The following AHNAK2 variants were observed in gnomAD, a reference collection of about 807,000 sequenced individuals.
AHNAK2 encodes the protein protein AHNAK2.
A neutral mutation model predicts 30.7 loss-of-function variants in AHNAK2; 18 were observed. That is an observed-to-expected ratio of 0.59 (90% confidence interval 0.41 to 0.87). The LOEUF is 0.87. Ranked by LOEUF, AHNAK2 falls within the 40% of genes least tolerant of loss-of-function variation. AHNAK2 has a pLI of 0.00. For missense variants in AHNAK2, 8,604 were observed against 7,373.0 expected (o/e 1.17, Z -6.11); for synonymous variants, 3,590 against 3,073.8 (o/e 1.17, Z -5.56).
chr14:104,949,206 G>A lies in AHNAK2; in HGVS notation c.6245C>T (p.Pro2082Leu), dbSNP rs1311453218. The change falls in exon 7 of 7, where the codon CCC becomes CTC. Residue 2082 changes from proline (P) to leucine (L), a missense_variant. Physicochemically the swap from Pro to Leu is moderately conservative, Grantham distance 98. Transcript: ENST00000333244. ...PKVEMPSLKM[P>L]KVDLKGPQVD... is the part of the protein sequence containing the mutation. ...CTGGGGGCCCTTGAGGTCCACTTTG[G>A]GCATCTTCAAACTGGGCATCTCCAC... The A allele has an allele frequency of 9.3e-7, 1 of 1,072,426 alleles. No homozygotes were observed. The highest frequency in any genetic ancestry group is 1.5e-5 in the South Asian group (1 of 65,208). The allele number at this position is 1,072,426 out of a possible 1,614,324, so 66.4% of individuals were successfully genotyped here. A position where few individuals can be genotyped will look rare whatever the true frequency, so the allele number is the denominator to read the frequency against.
In AHNAK2 at chr14:104,952,684, T is replaced by A. The variant is rs762868199; in HGVS notation, c.2767A>T (p.Ser923Cys). ...AGGTCCACTTTGGGCATCTTGAAAC[T>A]GGGCATCTCCACTTTGGGCAGGTGC... ...KVHLPKVEMP[S>C]FKMPKVDLKG... is the part of the protein sequence containing the mutation. The change falls in exon 7 of 7, where the codon AGT becomes TGT. Residue 923 changes from serine (S) to cysteine (C), a missense_variant. Coordinates refer to ENST00000333244, the MANE Select transcript of AHNAK2 (RefSeq NM_138420.4). 139 of 1,612,606 alleles carry A rather than the reference T, an allele frequency of 8.6e-5. 1 individual carries two copies. Among genetic ancestry groups the A allele is most frequent in the Admixed American group, 1.7e-4 (10 of 59,918 alleles).
rs377637192 is a variant in AHNAK2, at chr14:104,945,446, C to A, written c.10005G>T (p.Ala3335=). The A allele has an allele frequency of 6.2e-7, 1 of 1,613,454 alleles. No homozygotes were observed. The highest frequency in any genetic ancestry group is 1.7e-4 in the Middle Eastern group (1 of 6,056). The change falls in exon 7 of 7, where the codon GCG becomes GCT. Residue 3335 remains alanine (A), a synonymous_variant. Transcript: ENST00000333244. ...KSIQASVDVS[A]PKAEADVSLP... Reference sequence around the variant, plus strand: ...GGCTCACGTCGGCCTCCGCCTTCGGCGCAGACACATCCACCGAGGCCTGGA... The same window carrying A: ...GGCTCACGTCGGCCTCCGCCTTCGGAGCAGACACATCCACCGAGGCCTGGA...
rs139443923 is a variant in AHNAK2 at position 104,940,460 on chromosome 14, C to A, written c.14991G>T (p.Pro4997=). Residue 4997 remains proline, a synonymous_variant, in exon 7 of 7, where the codon CCG becomes CCT. Transcript: ENST00000333244. The surrounding 1 kb of genome is among the most constrained non-coding windows in gnomAD (Gnocchi z 4.4). ...SLVLDKDEVA[P]QSAIHMDLPP... ...GCAGATCCATGTGGATGGCAGACTG[C>A]GGGGCCACTTCATCCTTGTCTAAAA... The A allele has an allele frequency of 0.011, 17,611 of 1,613,816 alleles. 140 individuals carry two copies. Among genetic ancestry groups the A allele is most frequent in the Middle Eastern group, 0.031 (186 of 6,062 alleles).
rs1230730048 is a variant in AHNAK2 at position 104,941,716 on chromosome 14, T to C, written c.13735A>G (p.Lys4579Glu). 2 of 1,613,730 alleles carry C rather than the reference T, an allele frequency of 1.2e-6. No homozygotes were observed. Among genetic ancestry groups the C allele is most frequent in the Admixed American group, 1.7e-5 (1 of 60,018 alleles). ...KGPKLDLKGPKAEVMAPDVEV... is the reference protein window; with the variant it reads ...KGPKLDLKGPEAEVMAPDVEV... ...ACATCGGGGGCCATCACCTCTGCCT[T>C]TGGGCCTTTCAGGTCCAGCTTGGGG... Residue 4579 changes from lysine to glutamate, a missense_variant, in exon 7 of 7, where the codon AAG becomes GAG. Transcript: ENST00000333244.
Position 104,953,791 on chromosome 14 carries a change from C to T in AHNAK2, c.1660G>A (p.Gly554Arg), listed in dbSNP as rs1456731998. The change falls in exon 7 of 7, where the codon GGA (glycine) becomes AGA (arginine). Residue 554 changes from glycine to arginine, a missense_variant. By Grantham distance (125) the Gly-to-Arg change is moderately radical (BLOSUM62 -2). Transcript: ENST00000333244. ...CTCTGTAGTCCTTCCTCTCCATCTC[C>T]TTCATCCCCCTGTGCTTCTGCATGT... ...TTHAEAQGDEGDGEEGLQRTR... is the reference protein window; with the variant it reads ...TTHAEAQGDERDGEEGLQRTR... The T allele has an allele frequency of 1.2e-6, 2 of 1,613,868 alleles. No homozygotes were observed. Among genetic ancestry groups the T allele is most frequent in the African/African-American group, 1.3e-5 (1 of 74,910 alleles).
Position 104,943,393 on chromosome 14 carries a change from G to T in AHNAK2, c.12058C>A (p.Pro4020Thr), listed in dbSNP as rs762562992. 1 of 1,611,244 alleles carries T rather than the reference G, an allele frequency of 6.2e-7. No homozygotes were observed. The highest frequency in any genetic ancestry group is 1.7e-5 in the Admixed American group (1 of 59,812). ...TGGACCTCCAGGTCAGCGGAAGGGG[G>T]CTGAACGCTGAGGTCAGTGGCCTTG... ...DLKATDLSVQ[P>T]PSADLEVQAG... Residue 4020 changes from proline (P) to threonine (T), a missense_variant, in exon 7 of 7, where the codon CCC becomes ACC. By Grantham distance (38) the Pro-to-Thr change is conservative. Transcript: ENST00000333244.
Position 104,950,016 on chromosome 14 carries a change from G to T in AHNAK2, c.5435C>A (p.Ala1812Asp). The T allele has an allele frequency of 6.3e-7, 1 of 1,587,370 alleles. No homozygotes were observed. The highest frequency in any genetic ancestry group is 8.6e-7 in the Non-Finnish European group (1 of 1,163,314). ...GTCTTTGGCAGTCACATCCTTGTCG[G>T]CCAGGGACAGGTCACCCTCCAGCCG... is the stretch of plus-strand genomic sequence containing the variant. ...SVRLEGDLSL[A>D]DKDVTAKDSK... Residue 1812 changes from alanine (A) to aspartate (D), a missense_variant, in exon 7 of 7, where the codon GCC (alanine) becomes GAC (aspartate). Ala to Asp is a moderately radical substitution (Grantham distance 126, BLOSUM62 -2). Transcript: ENST00000333244.
In AHNAK2 at chr14:104,938,087, T is replaced by G; in HGVS notation, c.17364A>C (p.Ser5788=). The G allele has an allele frequency of 6.2e-7, 1 of 1,613,910 alleles. No individual in the cohort carries two copies. The highest frequency in any genetic ancestry group is 8.5e-7 in the Non-Finnish European group (1 of 1,179,834). The stretch of plus-strand genomic sequence containing the variant: ...CTCAGCCTTCATTTGGTCCCAGGCC[T>G]GACCCTTTGCTTTCATCGTCAGCTT... The part of the protein sequence containing the change: ...DRKADDESKG[S]GLGPNEG Residue 5788 remains serine, a synonymous_variant, in exon 7 of 7, where the codon TCA becomes TCC. Coordinates refer to ENST00000333244, the MANE Select transcript of AHNAK2 (RefSeq NM_138420.4).
rs11851005 is a variant in AHNAK2 at position 104,949,893 on chromosome 14, A to G, written c.5558T>C (p.Val1853Ala). 0.02 allele frequency: 32,527 copies of G among 1,587,132 alleles called. 4,030 individuals carry two copies. In the East Asian group the frequency reaches 0.25, roughly 12 times the overall value. Residue 1853 changes from valine to alanine, a missense_variant, in exon 7 of 7, where the codon GTG becomes GCG. By Grantham distance (64) the Val-to-Ala change is moderately conservative (BLOSUM62 0). Coordinates refer to ENST00000333244, the MANE Select transcript of AHNAK2 (RefSeq NM_138420.4). ...GGAGGGGAGGCTCACTTCGGCCTCC[A>G]CCTTCGGCGCAGACACATCCACCGA... ...EASVDVSAPK[V>A]EAEVSLPSMQ...
At position 104,953,360 on chromosome 14, in the gene AHNAK2, C is replaced by A. The variant is rs188074688; in HGVS notation, c.2091G>T (p.Ser697=). ...ASAPGKSMEA[S]VDVSAPKVEA... is the part of the protein sequence containing the mutation. ...CCACCTTCGGCGCAGACACATCCACCGAGGCCTCCATGGACTTGCCTGGGG... is the reference window on the plus strand; with the variant it reads ...CCACCTTCGGCGCAGACACATCCACAGAGGCCTCCATGGACTTGCCTGGGG... Residue 697 remains serine (S), a synonymous_variant, in exon 7 of 7, where the codon TCG becomes TCT. Coordinates refer to ENST00000333244, the MANE Select transcript of AHNAK2 (RefSeq NM_138420.4). The A allele has an allele frequency of 5.0e-6, 8 of 1,613,700 alleles. 1 individual carries two copies. In the Admixed American group the frequency reaches 1.3e-4, roughly 27 times the overall value.
At chr14:104,971,159 G>A (rs1294750612) in intron 1 of AHNAK2, among the ~76,000 whole-genome samples, 1 of 152,216 alleles carries the variant, frequency 6.6e-6, no homozygotes. Flanking sequence ...CTCTCACCCA[G>A]GTTGGAGTGC....
At position 104,950,436 on chromosome 14, in the gene AHNAK2, G is replaced by A. The variant is rs759479334; in HGVS notation, c.5015C>T (p.Ala1672Val). 2 of 1,586,626 alleles carry A rather than the reference G, an allele frequency of 1.3e-6. 1 individual carries two copies. The highest frequency in any genetic ancestry group is 2.2e-5 in the South Asian group (2 of 89,692). The change falls in exon 7 of 7, where the codon GCC becomes GTC. Residue 1672 changes from alanine (A) to valine (V), a missense_variant. Physicochemically the swap from Ala to Val is moderately conservative, Grantham distance 64 (BLOSUM62 0). Transcript: ENST00000333244. ...CGAGGCCTCGATGGACTTGCCTGGG[G>A]CCGACACCCCAAATGATGGCATCTT... Reference protein sequence around the residue: ...KFKMPSFGVSAPGKSIEASVD... With the variant: ...KFKMPSFGVSVPGKSIEASVD...
chr14:104,948,408 A>T lies in AHNAK2; in HGVS notation c.7043T>A (p.Val2348Glu). The change falls in exon 7 of 7, where the codon GTG becomes GAG. Residue 2348 changes from valine (V) to glutamate (E), a missense_variant. Val to Glu is a moderately radical substitution (Grantham distance 121). Coordinates refer to ENST00000333244, the MANE Select transcript of AHNAK2 (RefSeq NM_138420.4). Reference protein sequence around the residue: ...EASADVSALKVEADVSLPSMQ... With the variant: ...EASADVSALKEEADVSLPSMQ... ...GGAGGGGAGGCTCACGTCGGCCTCC[A>T]CCTTCAACGCAGACACATCCGCTGA... The T allele has an allele frequency of 6.2e-7, 1 of 1,612,198 alleles. No individual in the cohort carries two copies. Among genetic ancestry groups the T allele is most frequent in the African/African-American group, 1.3e-5 (1 of 74,154 alleles).
At position 104,957,424 on chromosome 14, in the gene AHNAK2, C is replaced by T. The variant is rs1482637100; in HGVS notation, c.199G>A (p.Asp67Asn). 8 of 1,588,004 alleles carry T rather than the reference C, an allele frequency of 5.0e-6. No homozygotes were observed. Among genetic ancestry groups the T allele is most frequent in the South Asian group, 2.2e-5 (2 of 89,688 alleles). Residue 67 changes from aspartate to asparagine, a missense_variant, in exon 3 of 7, where the codon GAC (aspartate) becomes AAC (asparagine). Physicochemically the swap from Asp to Asn is conservative, Grantham distance 23 (BLOSUM62 1). Coordinates refer to ENST00000333244, the MANE Select transcript of AHNAK2 (RefSeq NM_138420.4). ...PVYEYTTEAA[D>N]FGLQEDAPGR... Reference sequence around the variant, plus strand: ...AGCAGGCTCACCTGGAGTCCAAAGTCGGCAGCCTCAGTCGTGTATTCGTAG... The same window carrying T: ...AGCAGGCTCACCTGGAGTCCAAAGTTGGCAGCCTCAGTCGTGTATTCGTAG...
At position 104,944,289 on chromosome 14, in the gene AHNAK2, A is replaced by C; in HGVS notation, c.11162T>G (p.Leu3721Arg). ...CAAACTGGGCATCTCCACCTTGGGC[A>C]GGTGCTCTTTGAGGCCGGCTCCCTC... ...VPEGAGLKEH[L>R]PKVEMPSLKM... Residue 3721 changes from leucine to arginine, a missense_variant, in exon 7 of 7, where the codon CTG becomes CGG. Leu to Arg is a moderately radical substitution (Grantham distance 102). Transcript: ENST00000333244. The C allele has an allele frequency of 6.2e-7, 1 of 1,612,794 alleles. No individual in the cohort carries two copies. Among genetic ancestry groups the C allele is most frequent in the Admixed American group, 1.7e-5 (1 of 59,922 alleles).
chr14:104,942,126 C>T lies in AHNAK2; in HGVS notation c.13325G>A (p.Ser4442Asn), dbSNP rs553695859. ...DIQAPGAKLDSTRLEGDLSLA... is the reference protein window; with the variant it reads ...DIQAPGAKLDNTRLEGDLSLA... ...GGACAGGTCCCCCTCCAGCCGCGTA[C>T]TGTCCAGCTTGGCTCCTGGGGCTTG... Residue 4442 changes from serine to asparagine, a missense_variant, in exon 7 of 7, where the codon AGT becomes AAT. Coordinates refer to ENST00000333244, the MANE Select transcript of AHNAK2 (RefSeq NM_138420.4). The T allele has an allele frequency of 5.0e-6, 8 of 1,613,390 alleles. No homozygotes were observed. In the African/African-American group the frequency reaches 8.0e-5, roughly 16 times the overall value.
rs751394593 is a variant in AHNAK2 at position 104,949,103 on chromosome 14, C to T, written c.6348G>A (p.Leu2116=). The change falls in exon 7 of 7, where the codon CTG becomes CTA. Residue 2116 remains leucine (L), a synonymous_variant. Coordinates refer to ENST00000333244, the MANE Select transcript of AHNAK2 (RefSeq NM_138420.4). The part of the protein sequence containing the change: ...EMRVPDVEVS[L]PSMEVDVQAP... ...CCTGGACGTCCACCTCCATGCTGGG[C>T]AGAGACACCTCGACATCGGGGACTC... 6 of 1,071,090 alleles carry T rather than the reference C, an allele frequency of 5.6e-6. 2 individuals carry two copies. In the South Asian group the frequency reaches 9.2e-5, roughly 16 times the overall value. The allele number at this position is 1,071,090 out of a possible 1,614,324, so 66.3% of individuals were successfully genotyped here.
rs754740855 is a variant in AHNAK2, at chr14:104,940,356, T to G, written c.15095A>C (p.Lys5032Thr). Residue 5032 changes from lysine (K) to threonine (T), a missense_variant, in exon 7 of 7, where the codon AAG becomes ACG. Physicochemically the swap from Lys to Thr is moderately conservative, Grantham distance 78. Transcript: ENST00000333244. This position sits in a 1 kb window ranked among gnomAD's most constrained non-coding sequence, Gnocchi z 4.4. Reference sequence around the variant, plus strand: ...CAGGCTGACCCCACTCTTAGAAGCCTTCATTTTGGGAAGTGCAAGTTTTGG... The same window carrying G: ...CAGGCTGACCCCACTCTTAGAAGCCGTCATTTTGGGAAGTGCAAGTTTTGG... ...AMPKLALPKMKASKSGVSLPQ... is the reference protein window; with the variant it reads ...AMPKLALPKMTASKSGVSLPQ... 13 of 1,613,712 alleles carry G rather than the reference T, an allele frequency of 8.1e-6. No homozygotes were observed. The highest frequency in any genetic ancestry group is 1.7e-5 in the Admixed American group (1 of 60,004).
At position 104,953,930 on chromosome 14, in the gene AHNAK2, G is replaced by A. The variant is rs1898885489; in HGVS notation, c.1521C>T (p.Arg507=). 2 of 1,613,972 alleles carry A rather than the reference G, an allele frequency of 1.2e-6. No individual in the cohort carries two copies. The highest frequency in any genetic ancestry group is 1.7e-6 in the Non-Finnish European group (2 of 1,179,906). The change falls in exon 7 of 7, where the codon CGC becomes CGT. Residue 507 remains arginine, a synonymous_variant. Coordinates refer to ENST00000333244, the MANE Select transcript of AHNAK2 (RefSeq NM_138420.4). ...TCTTCCCTCGCTGTGGGGTACTAAG[G>A]CGCCTTTCTCTTTCTGGCTCTTTTT... is the stretch of plus-strand genomic sequence containing the variant. ...STEKEPERER[R]LSTPQRGKRQ...
Sources: gnomAD v4.1 joint callset for allele counts (sites outside exome capture counted in the v4.1 genomes callset) on GRCh38, gnomAD v4.1.1 for gene constraint, Gnocchi (gnomAD v3.1) non-coding constraint, MANE v1.5 for transcripts, NCBI Gene and HGNC (gene_info 2026-07-23, HGNC 2026-07-21) for gene names.